The following DNAJC11 variants were observed in gnomAD, a reference collection of about 807,000 sequenced individuals.
DNAJC11 encodes the protein dnaJ homolog subfamily C member 11.
Under a neutral mutation model 78.6 loss-of-function variants are expected in DNAJC11, and 15 were observed. That is an observed-to-expected ratio of 0.19 (90% confidence interval 0.13 to 0.29). DNAJC11 has a LOEUF of 0.29. DNAJC11 is among the 10% of genes least tolerant of loss of function. The probability of loss-of-function intolerance (pLI) is 1.00; values close to 1 mark genes in which losing one functional copy is unlikely to be tolerated. For synonymous variants in DNAJC11, 292 were observed against 272.1 expected, an observed-to-expected ratio of 1.07 and a Z score of -0.72; for missense variants, 547 against 709.6, an observed-to-expected ratio of 0.77 and a Z score of 2.60.
chr1:6,695,338 T>C (rs1387394100), intron 1 of DNAJC11, among the ~76,000 whole-genome samples: 8 of 151,742 alleles, frequency 5.3e-5, no homozygotes, highest in Non-Finnish European at 1.2e-4. Context: ...TTCAAACTTA[T>C]CAAAATCCAA....
At chr1:6,684,749 G>C (rs1642611150) in intron 1 of DNAJC11, among the ~76,000 whole-genome samples, 1 of 152,126 alleles carries the variant, frequency 6.6e-6, no homozygotes, top group Admixed American at 6.5e-5. Flanking sequence ...AATGCAATGA[G>C]ATTATCATTA....
chr1:6,645,162 G>T lies in DNAJC11; in HGVS notation c.895-36C>A. 6.5e-7 allele frequency: 1 copy of T among 1,539,990 alleles called. No homozygotes were observed. The highest frequency in any genetic ancestry group is 1.1e-5 in the South Asian group (1 of 89,364). On this transcript the variant is annotated intron_variant, in intron 8 of 15. Transcript: ENST00000377577. This position sits in a 1 kb window ranked among gnomAD's most constrained non-coding sequence, Gnocchi z 4.1. ...AGAGGGTGCAAGGATGCGTGGCTAG[G>T]GCGTGTGACTCTGTGGGGAGATGGG... is the stretch of plus-strand genomic sequence containing the variant.
chr1:6,676,447 A>AG (rs954090929), intron 3 of DNAJC11, among the ~76,000 whole-genome samples: 1 of 152,062 alleles, frequency 6.6e-6, no homozygotes, highest in Non-Finnish European at 1.5e-5. Flanking sequence ...TGGGAGGCTG[A>AG]GGGGGGAGGG....
intron 3 of DNAJC11, among the ~76,000 whole-genome samples, chr1:6,670,149 G>A (rs570015735): frequency 3.2e-4 from 49 of 151,760 alleles, no homozygotes; most frequent in African/African-American, 8.7e-4. Context: ...TAGTAGAGAC[G>A]GGGTTTCACC....
In DNAJC11 at chr1:6,687,079, C is replaced by T. The variant is rs570384890; in HGVS notation, c.73-6042G>A. ...TGTTTATTATGATAGTTGGTGCTTA[C>T]GCACTTTAAAAGAAAAAGCAGATTT... On this transcript the variant is annotated intron_variant, in intron 1 of 15. Coordinates refer to ENST00000377577, the MANE Select transcript of DNAJC11 (RefSeq NM_018198.4). Among the ~76,000 whole-genome samples the T allele has an allele frequency of 3.3e-5, 5 of 152,316 alleles. No individual in the cohort carries two copies. In the South Asian group the frequency reaches 8.3e-4, roughly 25 times the overall value.
chr1:6,701,786 C>T lies in DNAJC11; in HGVS notation c.15G>A (p.Leu5=). The change falls in exon 1 of 16, where the codon TTG becomes TTA. Residue 5 remains leucine, a synonymous_variant. Transcript: ENST00000377577. ...CTTCATTGTCCAGCTCCTCCTCGCT[C>T]AAGGCCGTCGCCATCTTCGCAACCT... MATA[L]SEEELDNEDY... 6.4e-7 allele frequency: 1 copy of T among 1,563,774 alleles called. No individual in the cohort carries two copies. The highest frequency in any genetic ancestry group is 8.6e-7 in the Non-Finnish European group (1 of 1,157,270).
chr1:6,651,060 G>T, intron 7 of DNAJC11: 1 of 533,948 alleles, frequency 1.9e-6, no homozygotes, highest in South Asian at 1.4e-5. Context: ...GAAGGGACAG[G>T]GATATACAGT....
At chr1:6,672,719 A>G (rs1337174634) in intron 3 of DNAJC11, among the ~76,000 whole-genome samples, 6 of 152,196 alleles carry the variant, frequency 3.9e-5, no homozygotes, top group Non-Finnish European at 5.9e-5. Flanking sequence ...GATGCCAGAG[A>G]GGGGAACAGG....
At position 6,653,040 on chromosome 1, in the gene DNAJC11, G is replaced by A. The variant is rs896395932; in HGVS notation, c.508-89C>T. The A allele has an allele frequency of 6.6e-7, 1 of 1,507,372 alleles. No homozygotes were observed. Among genetic ancestry groups the A allele is most frequent in the Non-Finnish European group, 9.1e-7 (1 of 1,094,924 alleles). 93.4% of individuals were successfully genotyped at this position (1,507,372 alleles called of 1,614,324 possible). On this transcript the variant is annotated intron_variant, in intron 5 of 15. Coordinates refer to ENST00000377577, the MANE Select transcript of DNAJC11 (RefSeq NM_018198.4). The surrounding 1 kb of genome is among the most constrained non-coding windows in gnomAD (Gnocchi z 4.5). ...CTAAAGAACGCACTGTGAGCCCAAG[G>A]CCAAAGGTGCAGACGATTCCTCTGT...
intron 7 of DNAJC11, among the ~76,000 whole-genome samples, chr1:6,649,085 C>A (rs925264041): frequency 6.6e-6 from 1 of 151,856 alleles, no homozygotes; most frequent in African/African-American, 2.4e-5. Context: ...CTCAACCTCC[C>A]GGGTTCAAGC....
intron 1 of DNAJC11, among the ~76,000 whole-genome samples, chr1:6,694,442 T>C (rs1277090643): frequency 6.6e-6 from 1 of 152,126 alleles, no homozygotes; most frequent in Non-Finnish European, 1.5e-5. Context: ...CATTTCCTCC[T>C]ATACCTTATA....
chr1:6,634,297 C>A lies in DNAJC11; in HGVS notation c.*1378G>T. On this transcript the variant is annotated 3_prime_UTR_variant, in exon 16 of 16. Coordinates refer to ENST00000377577, the MANE Select transcript of DNAJC11 (RefSeq NM_018198.4). ...GGGAAGCCCGGGGCCCAGGCTCATG[C>A]AACACGACGCTCACCGCGGCTCGGG... The A allele has an allele frequency of 1.1e-6, 1 of 912,648 alleles. No individual in the cohort carries two copies. The highest frequency in any genetic ancestry group is 1.8e-5 in the South Asian group (1 of 56,470). 56.5% of individuals were successfully genotyped at this position (912,648 alleles called of 1,614,324 possible). A position where few individuals can be genotyped will look rare whatever the true frequency, so the allele number is the denominator to read the frequency against.
chr1:6,647,539 G>A (rs1430022648), intron 7 of DNAJC11, among the ~76,000 whole-genome samples: 1 of 152,140 alleles, frequency 6.6e-6, no homozygotes, highest in Non-Finnish European at 1.5e-5. Context: ...GGGCTAGTAG[G>A]CCGGGCGCGG....
intron 1 of DNAJC11, among the ~76,000 whole-genome samples, chr1:6,701,216 G>A (rs1642921171): frequency 6.6e-6 from 1 of 152,166 alleles, no homozygotes; most frequent in Non-Finnish European, 1.5e-5. Context: ...TCTGAGGCTG[G>A]ACCCACTTCA....
rs994559109 is a variant in DNAJC11 at position 6,680,594 on chromosome 1, C to T, written c.202+314G>A. ...GAGAACAAAGAAACCTTCCCTGTAA[C>T]GATCAGCCTTTTACCTATAAGAGTT... is the stretch of plus-strand genomic sequence containing the variant. On this transcript the variant is annotated intron_variant, in intron 2 of 15. Coordinates refer to ENST00000377577, the MANE Select transcript of DNAJC11 (RefSeq NM_018198.4). The surrounding 1 kb of genome is among the most constrained non-coding windows in gnomAD (Gnocchi z 4.0). Among the ~76,000 whole-genome samples the T allele has an allele frequency of 3.3e-5, 5 of 152,170 alleles. No individual in the cohort carries two copies. Among genetic ancestry groups the T allele is most frequent in the Admixed American group, 6.5e-5 (1 of 15,278 alleles).
At chr1:6,696,408 G>C (rs1023982713) in intron 1 of DNAJC11, among the ~76,000 whole-genome samples, 1 of 152,220 alleles carries the variant, frequency 6.6e-6, no homozygotes, top group African/African-American at 2.4e-5. Context: ...CAGTGGTCCT[G>C]ATTGGAGGGT....
At chr1:6,649,149 C>T (rs779701351) in intron 7 of DNAJC11, among the ~76,000 whole-genome samples, 2 of 151,824 alleles carry the variant, frequency 1.3e-5, no homozygotes, top group East Asian at 1.9e-4. Context: ...TGAGTCACAT[C>T]GGCTCCTTTT....
At chr1:6,666,466 AACCT>A (rs1445999903) in intron 4 of DNAJC11, among the ~76,000 whole-genome samples, 7 of 147,464 alleles carry the variant, frequency 4.7e-5, no homozygotes, top group African/African-American at 1.5e-4. Flanking sequence ...GGCTCACCAC[AACCT>A]CCACCTCCCT....
chr1:6,697,809 A>ATT (rs60554870), intron 1 of DNAJC11, among the ~76,000 whole-genome samples: 153 of 148,578 alleles, frequency 1.0e-3, no homozygotes, highest in South Asian at 4.5e-3. Context: ...TATGCTTATA[A>ATT]TTTTTTTTTT....
Sources: gnomAD v4.1 joint callset for allele counts (sites outside exome capture counted in the v4.1 genomes callset) on GRCh38, gnomAD v4.1.1 for gene constraint, Gnocchi (gnomAD v3.1) non-coding constraint, MANE v1.5 for transcripts, NCBI Gene and HGNC (gene_info 2026-07-23, HGNC 2026-07-21) for gene names.